RALYL: variants seen among roughly 807,000 people sequenced by gnomAD.
RALYL encodes the protein RNA-binding Raly-like protein.
In RALYL, 29 loss-of-function variants were observed where a neutral mutation model predicts 35.1. That is an observed-to-expected ratio of 0.83 (90% confidence interval 0.61 to 1.13). The LOEUF is 1.13. RALYL is among the 50% of genes most tolerant of loss of function. RALYL has a pLI of 0.00. For synonymous variants in RALYL, 120 were observed against 127.6 expected (o/e 0.94, Z 0.40); for missense variants, 359 against 360.4 (o/e 1.00, Z 0.03).
intron 1 of RALYL, among the ~76,000 whole-genome samples, chr8:84,205,503 A>G (rs914416945): frequency 6.6e-6 from 1 of 152,156 alleles, no homozygotes; most frequent in African/African-American, 2.4e-5. Flanking sequence ...CATATACCAC[A>G]TATGCAAAGG....
chr8:84,356,296 A>C (rs1851818495), intron 1 of RALYL, among the ~76,000 whole-genome samples: 1 of 150,524 alleles, frequency 6.6e-6, no homozygotes, highest in African/African-American at 2.5e-5. Context: ...GTTTTGTATC[A>C]GTTGCAATTG....
At position 84,582,820 on chromosome 8, in the gene RALYL, A is replaced by G. The variant is rs1811135850; in HGVS notation, c.256+53243A>G. ...GTGTGGTATAGAATCTATAAGGTCA[A>G]TTACCTACAAATGTATTTAATTTCA... On this transcript the variant is annotated intron_variant, in intron 2 of 8. Coordinates refer to ENST00000521268, the MANE Select transcript of RALYL (RefSeq NM_173848.7). Among the ~76,000 whole-genome samples, 5 of 152,192 alleles carry G rather than the reference A, an allele frequency of 3.3e-5. No homozygotes were observed. The South Asian group carries it at 1.0e-3, about 32-fold the overall frequency.
At chr8:84,571,412 A>C (rs1385388722) in intron 2 of RALYL, among the ~76,000 whole-genome samples, 1 of 151,758 alleles carries the variant, frequency 6.6e-6, no homozygotes, top group Non-Finnish European at 1.5e-5. Context: ...AGGGGTGTTC[A>C]TAGTAGTCTC....
intron 1 of RALYL, among the ~76,000 whole-genome samples, chr8:84,245,961 GA>G (rs1241149000): frequency 1.3e-5 from 2 of 152,154 alleles, no homozygotes; most frequent in Admixed American, 6.6e-5. Flanking sequence ...GAGCTTCACA[GA>G]AAAGAGAGCA....
intron 2 of RALYL, among the ~76,000 whole-genome samples, chr8:84,631,683 G>A (rs555950953): frequency 1.1e-4 from 16 of 151,888 alleles, no homozygotes; most frequent in African/African-American, 3.1e-4. Context: ...TGAAAGTACT[G>A]GAAAGAAAGA....
intron 1 of RALYL, among the ~76,000 whole-genome samples, chr8:84,427,036 A>G (rs2046562424): frequency 6.6e-6 from 1 of 152,206 alleles, no homozygotes; most frequent in Admixed American, 6.5e-5. Context: ...AAGCTAGGAT[A>G]TGGAAACAAC....
chr8:84,231,397 T>A lies in RALYL; in HGVS notation c.-24+46973T>A, dbSNP rs372497212. Among the ~76,000 whole-genome samples the A allele has an allele frequency of 4.6e-5, 7 of 152,260 alleles. No homozygotes were observed. The East Asian group carries it at 7.7e-4, about 17-fold the overall frequency. On this transcript the variant is annotated intron_variant, in intron 1 of 8. Coordinates refer to ENST00000521268, the MANE Select transcript of RALYL (RefSeq NM_173848.7). Reference sequence around the variant, plus strand: ...GACTTTTATTCACATTAATCACATATAAGAAAGGTTACAATATATTCCATA... The same window carrying A: ...GACTTTTATTCACATTAATCACATAAAAGAAAGGTTACAATATATTCCATA...
chr8:84,393,183 A>C (rs1243402138), intron 1 of RALYL, among the ~76,000 whole-genome samples: 3 of 152,188 alleles, frequency 2.0e-5, no homozygotes, highest in South Asian at 4.1e-4. Flanking sequence ...ATCTCACAAG[A>C]CTGCAATCAA....
intron 4 of RALYL, among the ~76,000 whole-genome samples, chr8:84,837,256 G>A (rs760344603): frequency 2.6e-5 from 4 of 152,140 alleles, no homozygotes; most frequent in Non-Finnish European, 4.4e-5. Flanking sequence ...TACTGATAAT[G>A]TTATTCACAA....
At chr8:84,518,760 A>G (rs114375493) in intron 1 of RALYL, among the ~76,000 whole-genome samples, 45 of 152,306 alleles carry the variant, frequency 3.0e-4, no homozygotes, top group African/African-American at 1.0e-3. Context: ...TAATGACTGA[A>G]AGTTGTGCAT....
chr8:84,820,561 GT>G (rs2134227458), intron 4 of RALYL, among the ~76,000 whole-genome samples: 1 of 152,198 alleles, frequency 6.6e-6, no homozygotes, highest in Non-Finnish European at 1.5e-5. Context: ...TTTACTCTAA[GT>G]TCTGGGACAC....
intron 1 of RALYL, among the ~76,000 whole-genome samples, chr8:84,339,422 T>C (rs910850791): frequency 2.0e-5 from 3 of 151,936 alleles, no homozygotes; most frequent in African/African-American, 7.2e-5. Context: ...ATGAATCCTA[T>C]TGTAGGTTGT....
At chr8:84,774,003 G>A (rs1260075916) in intron 2 of RALYL, among the ~76,000 whole-genome samples, 1 of 152,150 alleles carries the variant, frequency 6.6e-6, no homozygotes, top group African/African-American at 2.4e-5. Flanking sequence ...AGAATTGCTT[G>A]AGGCCAGAAG....
intron 8 of RALYL, among the ~76,000 whole-genome samples, chr8:84,920,046 TA>T (rs1849081085): frequency 6.6e-6 from 1 of 152,074 alleles, no homozygotes; most frequent in African/African-American, 2.4e-5. Context: ...CTTTAATAAA[TA>T]AAGTCAAGTT....
At chr8:84,435,341 C>G (rs774283703) in intron 1 of RALYL, among the ~76,000 whole-genome samples, 4 of 152,040 alleles carry the variant, frequency 2.6e-5, no homozygotes, top group Non-Finnish European at 5.9e-5. Context: ...AACATTATCC[C>G]TCTATTATTG....
At chr8:84,576,131 A>AT (rs570485822) in intron 2 of RALYL, among the ~76,000 whole-genome samples, 15 of 152,148 alleles carry the variant, frequency 9.9e-5, no homozygotes, top group African/African-American at 2.6e-4. Flanking sequence ...ATAATCAGTG[A>AT]TTTTTTTTCT....
At chr8:84,298,246 A>T (rs1040713218) in intron 1 of RALYL, among the ~76,000 whole-genome samples, 40 of 152,112 alleles carry the variant, frequency 2.6e-4, no homozygotes, top group Middle Eastern at 3.4e-3. Flanking sequence ...TCAATCTCTT[A>T]CACAAGGCTA....
chr8:84,709,477 T>C (rs1774747054), intron 2 of RALYL, among the ~76,000 whole-genome samples: 1 of 152,170 alleles, frequency 6.6e-6, no homozygotes, highest in Non-Finnish European at 1.5e-5. Context: ...TTTAAAGTTC[T>C]AAAATATGTT....
chr8:84,314,617 T>C (rs1407338716), intron 1 of RALYL, among the ~76,000 whole-genome samples: 1 of 152,102 alleles, frequency 6.6e-6, no homozygotes, highest in African/African-American at 2.4e-5. Flanking sequence ...TCCCAGCTAT[T>C]CAGGAAGCTG....
Sources: allele counts gnomAD v4.1 joint callset (sites outside exome capture counted in the v4.1 genomes callset), GRCh38; gene constraint gnomAD v4.1.1; transcripts MANE v1.5; gene names NCBI Gene and HGNC (gene_info 2026-07-23, HGNC 2026-07-21).